Variants in NHS observed in about 807,000 individuals in gnomAD.
NHS encodes actin remodeling regulator NHS.
Under a neutral mutation model 72.5 loss-of-function variants are expected in NHS, and 5 were observed. That is an observed-to-expected ratio of 0.07 (90% CI 0.04 to 0.14). The LOEUF (loss-of-function observed/expected upper bound fraction) is 0.14, where lower values mean the gene tolerates loss of function less well. NHS is among the 10% of genes least tolerant of loss of function. The pLI is 1.00. For missense variants in NHS, 1,072 were observed against 1,355.7 expected, an observed-to-expected ratio of 0.79 and a Z score of 3.29; for synonymous variants, 464 against 547.7, an observed-to-expected ratio of 0.85 and a Z score of 2.13.
At chrX:17,500,589 G>A (rs771640725) in intron 1 of NHS, among the ~76,000 whole-genome samples, 2 of 112,141 alleles carry the variant, frequency 1.8e-5, no homozygotes, top group South Asian at 7.5e-4. Flanking sequence ...TCAAGCAGCA[G>A]GAGCAATAAA....
chrX:17,451,376 C>A (rs763115398), intron 1 of NHS, among the ~76,000 whole-genome samples: 19 of 112,008 alleles, frequency 1.7e-4, no homozygotes, highest in Non-Finnish European at 3.4e-4. Context: ...TTTCCACCAC[C>A]ATCACCTTGC....
chrX:17,680,268 G>A (rs930217896), intron 1 of NHS, among the ~76,000 whole-genome samples: 2 of 112,446 alleles, frequency 1.8e-5, no homozygotes, highest in African/African-American at 3.2e-5. Context: ...TTATCCCCAT[G>A]GGAGGAAGAG....
chrX:17,667,254 C>T (rs1342055099), intron 1 of NHS, among the ~76,000 whole-genome samples: 5 of 112,262 alleles, frequency 4.5e-5, no homozygotes, highest in Admixed American at 9.4e-5. Context: ...GTGAGCAGAA[C>T]GAAGCACTAA....
chrX:17,523,017 GA>G lies in NHS; in HGVS notation c.565+146705del, dbSNP rs1415942333. ...GGTTACATTGTCCATCACTTGCTAG[GA>G]AAAAAAAAATGGATAAGGAAGACTC... On this transcript the variant is annotated intron_variant, in intron 1 of 8. Coordinates refer to ENST00000676302, the MANE Select transcript of NHS (RefSeq NM_001291867.2). 9.1e-3 allele frequency among the ~76,000 whole-genome samples: 979 copies of G among 107,626 alleles called. 5 individuals are homozygous for G. The highest frequency in any genetic ancestry group is 0.027 in the African/African-American group (805 of 29,706). The allele number at this position is 107,626 out of a possible 115,157, so 93.5% of individuals were successfully genotyped here.
intron 1 of NHS, among the ~76,000 whole-genome samples, chrX:17,406,861 A>G (rs2064531598): frequency 8.9e-6 from 1 of 112,115 alleles, no homozygotes; most frequent in Admixed American, 9.4e-5. Context: ...AGGAAGAGGG[A>G]GAAGCTAAAG....
intron 1 of NHS, among the ~76,000 whole-genome samples, chrX:17,414,457 C>T (rs2064580532): frequency 8.9e-6 from 1 of 112,265 alleles, no homozygotes; most frequent in South Asian, 3.7e-4. Flanking sequence ...CAATTTGCTT[C>T]TAAAAATATG....
Position 17,503,772 on chromosome X carries a change from C to A in NHS, c.565+127450C>A, listed in dbSNP as rs749137681. On this transcript the variant is annotated intron_variant, in intron 1 of 8. Coordinates refer to ENST00000676302, the MANE Select transcript of NHS (RefSeq NM_001291867.2). The stretch of plus-strand genomic sequence containing the variant: ...GTGTTTTGTAGGCCATAACACCTGG[C>A]TTTTATAATTTTTGTCCTGATCCAT... Among the ~76,000 whole-genome samples the A allele has an allele frequency of 1.2e-4, 13 of 111,587 alleles. No homozygotes were observed. In the East Asian group the frequency reaches 3.6e-3, roughly 31 times the overall value.
At chrX:17,532,992 T>C (rs764057906) in intron 1 of NHS, among the ~76,000 whole-genome samples, 1 of 112,240 alleles carries the variant, frequency 8.9e-6, no homozygotes, top group South Asian at 3.7e-4. Flanking sequence ...ATGCTGAATC[T>C]ATTGTTATGA....
intron 1 of NHS, among the ~76,000 whole-genome samples, chrX:17,562,530 T>C (rs143017003): frequency 0.019 from 2,118 of 110,340 alleles, 52 homozygotes; most frequent in African/African-American, 0.067. Flanking sequence ...TGAACTGAGG[T>C]GAGAGGTATA....
chrX:17,693,936 A>C, intron 3 of NHS, among the ~76,000 whole-genome samples: 1 of 112,883 alleles, frequency 8.9e-6, no homozygotes, highest in Non-Finnish European at 1.9e-5. Context: ...AAATGCTAAA[A>C]TATTTTCCCA....
intron 1 of NHS, among the ~76,000 whole-genome samples, chrX:17,497,556 C>T (rs1480125323): frequency 2.7e-5 from 3 of 111,972 alleles, no homozygotes; most frequent in East Asian, 5.6e-4. Context: ...CCCCTGCTTT[C>T]CCATCCTAAT....
intron 1 of NHS, among the ~76,000 whole-genome samples, chrX:17,663,944 G>C (rs1487954200): frequency 8.9e-6 from 1 of 111,823 alleles, no homozygotes; most frequent in Non-Finnish European, 1.9e-5. Context: ...TTTCTGTGAT[G>C]ACAAATAATG....
intron 1 of NHS, among the ~76,000 whole-genome samples, chrX:17,409,800 A>G (rs1206690123): frequency 8.9e-6 from 1 of 112,115 alleles, no homozygotes; most frequent in Non-Finnish European, 1.9e-5. Flanking sequence ...AAGTAGGTGA[A>G]ACAATCTTAC....
intron 1 of NHS, among the ~76,000 whole-genome samples, chrX:17,579,973 C>T (rs2065534301): frequency 9.0e-6 from 1 of 110,808 alleles, no homozygotes; most frequent in East Asian, 2.9e-4. Flanking sequence ...TCCCAATTGC[C>T]CAAAGTGGCT....
chrX:17,446,472 CA>C (rs1183262536), intron 1 of NHS, among the ~76,000 whole-genome samples: 1 of 109,536 alleles, frequency 9.1e-6, no homozygotes, highest in African/African-American at 3.3e-5. Flanking sequence ...CATCCTGGCT[CA>C]AAAGCTCCCC....
At chrX:17,567,874 A>G (rs781519594) in intron 1 of NHS, among the ~76,000 whole-genome samples, 88 of 111,397 alleles carry the variant, frequency 7.9e-4, no homozygotes, top group African/African-American at 2.7e-3. Context: ...GACTAGTTTA[A>G]AAGAGGGCAG....
chrX:17,447,391 G>A (rs2064785823), intron 1 of NHS, among the ~76,000 whole-genome samples: 3 of 107,486 alleles, frequency 2.8e-5, no homozygotes, highest in African/African-American at 1.1e-4. Flanking sequence ...TGTGAGCGTT[G>A]GTTGATTTTT....
chrX:17,457,929 G>A (rs1159086893), intron 1 of NHS, among the ~76,000 whole-genome samples: 2 of 111,923 alleles, frequency 1.8e-5, no homozygotes, highest in Non-Finnish European at 3.8e-5. Flanking sequence ...ACCAAGACAT[G>A]AAACTTTGGT....
intron 1 of NHS, among the ~76,000 whole-genome samples, chrX:17,590,019 G>A (rs1399185262): frequency 9.0e-6 from 1 of 111,330 alleles, no homozygotes; most frequent in Non-Finnish European, 1.9e-5. Context: ...TTGTTTGAGA[G>A]CAATACATGA....
Sources: allele counts gnomAD v4.1 joint callset (sites outside exome capture counted in the v4.1 genomes callset), GRCh38; gene constraint gnomAD v4.1.1; transcripts MANE v1.5; gene names NCBI Gene and HGNC (gene_info 2026-07-23, HGNC 2026-07-21).